The following DUOX1 variants were observed in gnomAD, a reference collection of about 807,000 sequenced individuals.
The protein encoded by DUOX1 is dual oxidase 1, also known as NADPH thyroid oxidase 1.
DUOX1 carries 134 observed loss-of-function variants against 181.8 expected under a neutral mutation model. That is an observed-to-expected ratio of 0.74 (90% CI 0.64 to 0.85). The LOEUF (loss-of-function observed/expected upper bound fraction) is 0.85, where lower values mean the gene tolerates loss of function less well. Among genes scored for constraint, DUOX1 ranks in the 40% least tolerant of loss-of-function variants. DUOX1 has a pLI of 0.00. For missense variants in DUOX1, 1,814 were observed against 2,064.4 expected (o/e 0.88, Z 2.35); for synonymous variants, 798 against 832.5 (o/e 0.96, Z 0.71).
rs772592735 is a variant in DUOX1, at chr15:45,135,134, T to C, written c.338T>C (p.Val113Ala). The C allele has an allele frequency of 5.0e-6, 8 of 1,613,512 alleles. No homozygotes were observed. The African/African-American group carries it at 1.1e-4, about 22-fold the overall frequency. The change falls in exon 5 of 34, where the codon GTG becomes GCG. Residue 113 changes from valine (V) to alanine (A), a missense_variant. Val to Ala is a moderately conservative substitution (Grantham distance 64). This residue lies in a region of DUOX1 where 320 missense variants were observed against 313.1 expected (regional missense o/e 1.02). Transcript: ENST00000389037. Reference protein sequence around the residue: ...GYHVLSDLVSVETPGCPAEFL... With the variant: ...GYHVLSDLVSAETPGCPAEFL... ...CACGTGCTTTCAGACCTGGTGAGCGTGGAAACTCCCGGCTGCCCCGCCGAG... is the reference window on the plus strand; with the variant it reads ...CACGTGCTTTCAGACCTGGTGAGCGCGGAAACTCCCGGCTGCCCCGCCGAG...
At chr15:45,133,069 A>G (rs1013470458) in intron 2 of DUOX1, among the ~76,000 whole-genome samples, 1 of 152,186 alleles carries the variant, frequency 6.6e-6, no homozygotes, top group Non-Finnish European at 1.5e-5. Flanking sequence ...CAGGCCAGCT[A>G]TCTGCTCTAC....
At chr15:45,153,041 T>C (rs1896856198) in intron 25 of DUOX1, 1 of 304,082 alleles carries the variant, frequency 3.3e-6, no homozygotes, top group Non-Finnish European at 6.2e-6. Flanking sequence ...GCCAACATGG[T>C]GAAACCCCGT....
chr15:45,141,899 C>G (rs1472187860), intron 14 of DUOX1, 76 bp from the exon 15 acceptor site: 4 of 1,534,258 alleles, frequency 2.6e-6, no homozygotes, highest in Non-Finnish European at 3.5e-6. Context: ...CTTTCTGCCA[C>G]CCTAACCTCC....
In DUOX1 at chr15:45,163,938, A is replaced by G. The variant is rs199934479; in HGVS notation, c.4533+20A>G. 13 of 1,611,330 alleles carry G rather than the reference A, an allele frequency of 8.1e-6. No homozygotes were observed. In the East Asian group the frequency reaches 2.5e-4, roughly 30 times the overall value. Reference sequence around the variant, plus strand: ...CCCCAGGTCAGTCCAACCCATAACCAGGTTCTCTTCCTCTTTATCATTTGG... The same window carrying G: ...CCCCAGGTCAGTCCAACCCATAACCGGGTTCTCTTCCTCTTTATCATTTGG... On this transcript the variant is annotated intron_variant, in intron 33 of 33. Coordinates refer to ENST00000389037, the MANE Select transcript of DUOX1 (RefSeq NM_175940.3).
At chr15:45,153,538 GTGTGTGTGTATA>G (rs767187726) in intron 26 of DUOX1, 59 bp downstream of exon 26, 2 of 292,800 alleles carry the variant, frequency 6.8e-6, no homozygotes, top group South Asian at 6.6e-5. Flanking sequence ...GTGTGTGTGT[GTGTGTGTGTATA>G]ATGGGGAGGA....
chr15:45,153,494 ATGTGTG>A lies in DUOX1; in HGVS notation c.3524+63_3524+68del, dbSNP rs58154992. The A allele has an allele frequency of 3.2e-3, 2,803 of 884,760 alleles. 21 individuals carry two copies. Among genetic ancestry groups the A allele is most frequent in the African/African-American group, 0.027 (1,325 of 49,830 alleles). The allele number at this position is 884,760 out of a possible 1,614,324, so 54.8% of individuals were successfully genotyped here. ...CATGATGATGGGTGAGTAAGTGCGA[ATGTGTG>A]TGTGTGTGTGTGTGTGTGTGTGTGT... On this transcript the variant is annotated intron_variant, in intron 26 of 33. Transcript: ENST00000389037.
intron 22 of DUOX1, 139 bp downstream of exon 22, chr15:45,150,840 C>T (rs980089527): frequency 1.1e-6 from 1 of 875,494 alleles, no homozygotes; most frequent in Non-Finnish European, 1.8e-6. Context: ...TTTCTCTAGG[C>T]AGACACAGCC....
intron 21 of DUOX1, among the ~76,000 whole-genome samples, chr15:45,148,785 T>C (rs1030825084): frequency 7.9e-5 from 12 of 152,204 alleles, no homozygotes; most frequent in African/African-American, 2.6e-4. Flanking sequence ...GGAACTCTGC[T>C]TCCCCTGGCT....
chr15:45,133,793 T>G, intron 2 of DUOX1, 71 bp from the exon 3 acceptor site: 4 of 1,350,750 alleles, frequency 3.0e-6, no homozygotes, highest in Non-Finnish European at 3.1e-6. Flanking sequence ...ACAGCACCCA[T>G]ATCCGGCAGG....
chr15:45,153,277 C>T, intron 25 of DUOX1, 103 bp from the exon 26 acceptor site: 1 of 721,696 alleles, frequency 1.4e-6, no homozygotes, highest in South Asian at 1.4e-5. Context: ...TAAGGTACTT[C>T]TCTGGGACCC....
Position 45,160,980 on chromosome 15 carries a change from G to C in DUOX1, c.3846G>C (p.Leu1282=), listed in dbSNP as rs1478582821. 3 of 1,613,962 alleles carry C rather than the reference G, an allele frequency of 1.9e-6. No homozygotes were observed. Among genetic ancestry groups the C allele is most frequent in the Non-Finnish European group, 2.5e-6 (3 of 1,180,010 alleles). Reference sequence around the variant, plus strand: ...AGATCAGCGTGGTGAAGGCGGAGCTGCTGCCCTCAGGTACCAGCCTGGCAG... The same window carrying C: ...AGATCAGCGTGGTGAAGGCGGAGCTCCTGCCCTCAGGTACCAGCCTGGCAG... ...KVEISVVKAE[L]LPSGVTHLRF... is the part of the protein sequence containing the mutation. Residue 1282 remains leucine (L), a synonymous_variant, in exon 29 of 34, where the codon CTG becomes CTC. Transcript: ENST00000389037.
intron 22 of DUOX1, 92 bp from the exon 23 acceptor site, chr15:45,151,031 C>T (rs1896788016): frequency 1.9e-6 from 3 of 1,553,580 alleles, no homozygotes; most frequent in Admixed American, 3.5e-5. Context: ...CTGATCCTTC[C>T]TCAGCAGAAT....
chr15:45,140,793 A>G, intron 12 of DUOX1, 102 bp from the exon 13 acceptor site: 3 of 1,192,658 alleles, frequency 2.5e-6, no homozygotes, highest in Non-Finnish European at 3.6e-6. Context: ...TGTTACTGTC[A>G]TTTATTATTA....
At chr15:45,160,811 T>A (rs750588973) in intron 28 of DUOX1, 26 bp from the exon 29 acceptor site, 1 of 1,583,006 alleles carries the variant, frequency 6.3e-7, no homozygotes, top group Non-Finnish European at 8.6e-7. Flanking sequence ...TCGCTAGGTC[T>A]GAGCAGAGCT....
chr15:45,152,154 T>C, intron 24 of DUOX1, 102 bp downstream of exon 24: 1 of 1,496,806 alleles, frequency 6.7e-7, no homozygotes, highest in Non-Finnish European at 9.0e-7. Context: ...GTAGGGTAAG[T>C]GGAGCCTGTC....
chr15:45,144,431 G>A (rs1896596282), intron 17 of DUOX1, among the ~76,000 whole-genome samples, 196 bp downstream of exon 17: 2 of 152,220 alleles, frequency 1.3e-5, no homozygotes, highest in Non-Finnish European at 2.9e-5. Flanking sequence ...TCTGCTGGAT[G>A]ACATAATCTC....
chr15:45,161,752 C>T lies in DUOX1; in HGVS notation c.3871C>T (p.Arg1291Trp), dbSNP rs369533234. The T allele has an allele frequency of 9.3e-6, 15 of 1,613,482 alleles. No individual in the cohort carries two copies. The highest frequency in any genetic ancestry group is 2.7e-5 in the African/African-American group (2 of 74,882). ...TCCCTCCCCAGGAGTGACCCACCTG[C>T]GGTTCCAGCGGCCCCAGGGCTTTGA... ...ELLPSGVTHL[R>W]FQRPQGFEYK... Residue 1291 changes from arginine to tryptophan, a missense_variant, in exon 30 of 34, where the codon CGG becomes TGG. Coordinates refer to ENST00000389037, the MANE Select transcript of DUOX1 (RefSeq NM_175940.3).
chr15:45,148,368 G>A lies in DUOX1; in HGVS notation c.2739G>A (p.Glu913=), dbSNP rs200509475. The A allele has an allele frequency of 1.9e-6, 3 of 1,614,262 alleles. No individual in the cohort carries two copies. Among genetic ancestry groups the A allele is most frequent in the East Asian group, 2.2e-5 (1 of 44,888 alleles). Reference sequence around the variant, plus strand: ...GGGAGTCGGGATTCCAGGACAAGGAGGAACTGACATGGGAAGATTTTCACT... The same window carrying A: ...GGGAGTCGGGATTCCAGGACAAGGAAGAACTGACATGGGAAGATTTTCACT... The part of the protein sequence containing the change: ...MFRESGFQDK[E]ELTWEDFHFM... Residue 913 remains glutamate, a synonymous_variant, in exon 21 of 34, where the codon GAG becomes GAA. Transcript: ENST00000389037.
chr15:45,149,214 T>A (rs574859584), intron 21 of DUOX1, among the ~76,000 whole-genome samples: 2 of 152,272 alleles, frequency 1.3e-5, no homozygotes, highest in Admixed American at 6.5e-5. Flanking sequence ...CTGAGCAGCC[T>A]CCACAGGGAA....
Sources: allele counts gnomAD v4.1 joint callset (sites outside exome capture counted in the v4.1 genomes callset), GRCh38; gene constraint gnomAD v4.1.1; regional missense constraint gnomAD v4.1.1; transcripts MANE v1.5; gene names NCBI Gene and HGNC (gene_info 2026-07-23, HGNC 2026-07-21).